The following FLG variants were observed in gnomAD, a reference collection of about 807,000 sequenced individuals.
FLG encodes the protein epidermal filaggrin.
Under a neutral mutation model 3.8 loss-of-function variants are expected in FLG, and 6 were observed. The observed-to-expected ratio is 1.60, with a 90% CI of 0.87 to 3.15. FLG has a LOEUF of 3.15. Among genes scored for constraint, FLG ranks in the 30% most tolerant of loss-of-function variants. The probability of loss-of-function intolerance (pLI) is 0.00; values close to 1 mark genes in which losing one functional copy is unlikely to be tolerated. For synonymous variants in FLG, 2,551 were observed against 1,931.6 expected (o/e 1.32, Z -8.41); for missense variants, 7,595 against 5,050.9 (o/e 1.50, Z -15.27).
At position 152,314,621 on chromosome 1, in the gene FLG, T is replaced by G; in HGVS notation, c.265A>C (p.Thr89Pro). The G allele has an allele frequency of 6.2e-7, 1 of 1,614,102 alleles. No homozygotes were observed. The highest frequency in any genetic ancestry group is 8.5e-7 in the Non-Finnish European group (1 of 1,179,978). Residue 89 changes from threonine (T) to proline (P), a missense_variant, in exon 3 of 3, where the codon ACC (threonine) becomes CCC (proline). Transcript: ENST00000368799. Reference protein sequence around the residue: ...FKLAQAYYESTRKENLPISGH... With the variant: ...FKLAQAYYESPRKENLPISGH... ...GATATCGGTAAATTCTCTTTTCTGG[T>G]AGACTCATAATATGCTTGAGCCAAC... is the stretch of plus-strand genomic sequence containing the variant.
rs2065956 is a variant in FLG, at chr1:152,304,869, C to T, written c.10017G>A (p.Gln3339=). 276,923 of 1,613,646 alleles carry T rather than the reference C, an allele frequency of 0.17. 33,854 individuals are homozygous for T. Among genetic ancestry groups the T allele is most frequent in the East Asian group, 0.56 (25,076 of 44,748 alleles). Residue 3339 remains glutamine (Q), a synonymous_variant, in exon 3 of 3, where the codon CAG becomes CAA. Coordinates refer to ENST00000368799, the MANE Select transcript of FLG (RefSeq NM_002016.2). ...CTGAATGTCCCTCACTATCACTGGC[C>T]TGACTACCACTGGACCCCCAGTGTC... ...DSRHWGSSGS[Q]ASDSEGHSEE...
Position 152,311,054 on chromosome 1 carries a change from T to C in FLG, c.3832A>G (p.Arg1278Gly), listed in dbSNP as rs111626670. The change falls in exon 3 of 3, where the codon AGA (arginine) becomes GGA (glycine). Residue 1278 changes from arginine (R) to glycine (G), a missense_variant. Coordinates refer to ENST00000368799, the MANE Select transcript of FLG (RefSeq NM_002016.2). ...AACCTCTCGGAGTCGTCTGAGTGTC[T>C]CTCACTGTCACTGTCCTGGCTAACA... Reference protein sequence around the residue: ...SSVSQDSDSERHSDDSERLSG... With the variant: ...SSVSQDSDSEGHSDDSERLSG... The C allele has an allele frequency of 6.1e-4, 988 of 1,613,836 alleles. 1 individual carries two copies. The highest frequency in any genetic ancestry group is 4.3e-3 in the Admixed American group (260 of 59,994).
chr1:152,316,351 A>G (rs1403884731), intron 1 of FLG, among the ~76,000 whole-genome samples: 2 of 152,126 alleles, frequency 1.3e-5, no homozygotes, highest in Non-Finnish European at 2.9e-5. Context: ...TTACTAAAAT[A>G]ATAGAATTTA....
intron 1 of FLG, among the ~76,000 whole-genome samples, chr1:152,321,467 A>G (rs535774663): frequency 2.9e-4 from 44 of 151,196 alleles, no homozygotes; most frequent in Non-Finnish European, 5.5e-4. Context: ...CAATATCAGG[A>G]AAGTAAAAGG....
Position 152,302,634 on chromosome 1 carries a change from T to A in FLG, c.*66A>T. ...AACTTCCCTGAAAGTATTATGAAGTTTCTTGATTGAAAGTGAACTTGCTTC... is the reference window on the plus strand; with the variant it reads ...AACTTCCCTGAAAGTATTATGAAGTATCTTGATTGAAAGTGAACTTGCTTC... On this transcript the variant is annotated 3_prime_UTR_variant, in exon 3 of 3. Transcript: ENST00000368799. 6.3e-7 allele frequency: 1 copy of A among 1,588,286 alleles called. No individual in the cohort carries two copies. The highest frequency in any genetic ancestry group is 1.1e-5 in the South Asian group (1 of 87,632).
chr1:152,305,634 T>A lies in FLG; in HGVS notation c.9252A>T (p.Arg3084Ser), dbSNP rs769262848. ...SSHGWTGPST[R>S]GRQGSRHEQA... is the part of the protein sequence containing the mutation. ...GCTCATGGCGGGATCCTTGTCTTCC[T>A]CTAGTGCTGGGCCCCGTCCATCCAT... Residue 3084 changes from arginine (R) to serine (S), a missense_variant, in exon 3 of 3, where the codon AGA becomes AGT. Arg to Ser is a moderately radical substitution (Grantham distance 110, BLOSUM62 -1). Transcript: ENST00000368799. 4 of 1,476,036 alleles carry A rather than the reference T, an allele frequency of 2.7e-6. 1 individual carries two copies. In the South Asian group the frequency reaches 3.8e-5, roughly 14 times the overall value. The allele number at this position is 1,476,036 out of a possible 1,614,324, so 91.4% of individuals were successfully genotyped here.
In FLG at chr1:152,311,155, G is replaced by A. The variant is rs1251865424; in HGVS notation, c.3731C>T (p.Ala1244Val). The change falls in exon 3 of 3, where the codon GCT becomes GTT. Residue 1244 changes from alanine (A) to valine (V), a missense_variant. Physicochemically the swap from Ala to Val is moderately conservative, Grantham distance 64. Transcript: ENST00000368799. Reference protein sequence around the residue: ...GSRHHEAASWADSSRHSQVGQ... With the variant: ...GSRHHEAASWVDSSRHSQVGQ... ...CACCTGTGAGTGTCTAGAGCTGTCA[G>A]CCCAAGAGGCAGCTTCATGGTGACG... 1 of 1,613,786 alleles carries A rather than the reference G, an allele frequency of 6.2e-7. No homozygotes were observed. The highest frequency in any genetic ancestry group is 8.5e-7 in the Non-Finnish European group (1 of 1,179,978).
intron 1 of FLG, among the ~76,000 whole-genome samples, chr1:152,316,259 G>A (rs1013593596): frequency 1.3e-5 from 2 of 152,074 alleles, no homozygotes; most frequent in Non-Finnish European, 2.9e-5. Flanking sequence ...TTGGACCTTG[G>A]TTTGTTTGGT....
In FLG at chr1:152,304,321, C is replaced by T. The variant is rs572186119; in HGVS notation, c.10565G>A (p.Gly3522Asp). ...QADSSRHSQS[G>D]QGQSAGPRTS... The stretch of plus-strand genomic sequence containing the variant: ...CCTGGGCCCCGCTGATTGTCCCTGG[C>T]CGGACTGTGAGTGTCTAGAGCTGTC... Residue 3522 changes from glycine (G) to aspartate (D), a missense_variant, in exon 3 of 3, where the codon GGC (glycine) becomes GAC (aspartate). Gly to Asp is a moderately conservative substitution (Grantham distance 94). Coordinates refer to ENST00000368799, the MANE Select transcript of FLG (RefSeq NM_002016.2). 3 of 1,601,172 alleles carry T rather than the reference C, an allele frequency of 1.9e-6. No homozygotes were observed. Among genetic ancestry groups the T allele is most frequent in the East Asian group, 4.6e-5 (2 of 43,314 alleles).
Position 152,303,125 on chromosome 1 carries a change from C to G in FLG, c.11761G>C (p.Asp3921His). The G allele has an allele frequency of 6.2e-7, 1 of 1,614,202 alleles. No homozygotes were observed. Reference sequence around the variant, plus strand: ...CCATGTTCCTTAGCGGTACTAGAGTCTGACTGTACAGGTGAAGACTGTACA... The same window carrying G: ...CCATGTTCCTTAGCGGTACTAGAGTGTGACTGTACAGGTGAAGACTGTACA... ...SHVQSSPVQSDSSTAKEHGHF... is the reference protein window; with the variant it reads ...SHVQSSPVQSHSSTAKEHGHF... Residue 3921 changes from aspartate (D) to histidine (H), a missense_variant, in exon 3 of 3, where the codon GAC (aspartate) becomes CAC (histidine). By Grantham distance (81) the Asp-to-His change is moderately conservative (BLOSUM62 -1). Coordinates refer to ENST00000368799, the MANE Select transcript of FLG (RefSeq NM_002016.2).
rs749678415 is a variant in FLG at position 152,314,261 on chromosome 1, CTTCT to C, written c.621_624del (p.Glu208ThrfsTer15). On this transcript the variant is annotated frameshift_variant, in exon 3 of 3. Transcript: ENST00000368799. LOFTEE classifies it low-confidence loss of function (END_TRUNC). ...TAATCATATACTCCTTCTTCATTGT[CTTCT>C]TTCTCTTCAAGTCTTTCACTTAGCC... 2.5e-5 allele frequency: 41 copies of C among 1,613,200 alleles called. No individual in the cohort carries two copies. The highest frequency in any genetic ancestry group is 2.9e-5 in the Non-Finnish European group (34 of 1,179,816).
Position 152,313,130 on chromosome 1 carries a change from A to T in FLG, c.1756T>A (p.Ser586Thr), listed in dbSNP as rs770129804. ...QSGDGTRHSG[S>T]RHHEASSQAD... ...TGAGAGGAAGCTTCATGATGACGTGACCCTGAGTGCCTGGTGCCGTCTCCT... is the reference window on the plus strand; with the variant it reads ...TGAGAGGAAGCTTCATGATGACGTGTCCCTGAGTGCCTGGTGCCGTCTCCT... Residue 586 changes from serine to threonine, a missense_variant, in exon 3 of 3, where the codon TCA becomes ACA. By Grantham distance (58) the Ser-to-Thr change is moderately conservative. Transcript: ENST00000368799. 2.2e-5 allele frequency: 35 copies of T among 1,613,384 alleles called. No homozygotes were observed. In the Admixed American group the frequency reaches 5.7e-4, roughly 26 times the overall value.
Position 152,304,623 on chromosome 1 carries a change from G to T in FLG, c.10263C>A (p.Ser3421Arg). 1.9e-6 allele frequency: 3 copies of T among 1,613,040 alleles called. No individual in the cohort carries two copies. The highest frequency in any genetic ancestry group is 2.5e-6 in the Non-Finnish European group (3 of 1,179,704). The change falls in exon 3 of 3, where the codon AGC (serine) becomes AGA (arginine). Residue 3421 changes from serine to arginine, a missense_variant. Physicochemically the swap from Ser to Arg is moderately radical, Grantham distance 110. Transcript: ENST00000368799. ...QGSHHEQARD[S>R]SRHSASQEGQ... ...CCTCTTGGGACGCTGAGTGCCTGGA[G>T]CTGTCTCGTGCCTGCTCGTGGTGGG...
rs116222149 is a variant in FLG at position 152,313,395 on chromosome 1, G to T, written c.1491C>A (p.His497Gln). ...TSTGGRQGSH[H>Q]EQARDSSRHS... ...GCCTGGAGCTGTCTCGTGCCTGCTC[G>T]TGGTGCGATCCTTGTCTTCCTCCAG... Residue 497 changes from histidine (H) to glutamine (Q), a missense_variant, in exon 3 of 3, where the codon CAC becomes CAA. His to Gln is a conservative substitution (Grantham distance 24). Coordinates refer to ENST00000368799, the MANE Select transcript of FLG (RefSeq NM_002016.2). 1.2e-5 allele frequency: 20 copies of T among 1,612,958 alleles called. No individual in the cohort carries two copies. The South Asian group carries it at 2.2e-4, about 18-fold the overall frequency.
In FLG at chr1:152,308,519, G is replaced by A. The variant is rs145119684; in HGVS notation, c.6367C>T (p.Gln2123Ter). Residue 2123 changes from glutamine (Q) to a stop codon, truncating the protein, a stop_gained, in exon 3 of 3, where the codon CAA (glutamine) becomes TAA (stop). Coordinates refer to ENST00000368799, the MANE Select transcript of FLG (RefSeq NM_002016.2). LOFTEE classifies it low-confidence loss of function (END_TRUNC). ...GATGCTGAGTGCCTGGAGCTGTCTT[G>A]TGCCTGATCATAATGGGATCCTTGT... The part of the protein sequence containing the change: ...GRQGSHYDQA[Q>*]DSSRHSASQE... The A allele has an allele frequency of 2.7e-5, 44 of 1,613,428 alleles. No individual in the cohort carries two copies. Among genetic ancestry groups the A allele is most frequent in the South Asian group, 1.6e-4 (15 of 91,046 alleles).
rs148339059 is a variant in FLG at position 152,314,316 on chromosome 1, A to G, written c.570T>C (p.Asn190=). 4.5e-4 allele frequency: 730 copies of G among 1,611,888 alleles called. No individual in the cohort carries two copies. Among genetic ancestry groups the G allele is most frequent in the Non-Finnish European group, 5.7e-4 (667 of 1,179,468 alleles). The change falls in exon 3 of 3, where the codon AAT becomes AAC. Residue 190 remains asparagine (N), a synonymous_variant. Coordinates refer to ENST00000368799, the MANE Select transcript of FLG (RefSeq NM_002016.2). ...SSKKEKNKTE[N]TRLGDNRKRL... is the part of the protein sequence containing the mutation. ...TCTTCCTATTGTCTCCTAATCTAGT[A>G]TTTTCAGTCTTGTTTTTCTCTTTTT...
chr1:152,311,448 G>A lies in FLG; in HGVS notation c.3438C>T (p.His1146=), dbSNP rs769215947. The A allele has an allele frequency of 1.5e-5, 25 of 1,613,828 alleles. No individual in the cohort carries two copies. Among genetic ancestry groups the A allele is most frequent in the South Asian group, 4.4e-5 (4 of 91,060 alleles). ...GCCTGGAGCTGTCTCGTGCCTGCTCGTGGTGGGATCCTTGTCTTCGTCCAG... is the reference window on the plus strand; with the variant it reads ...GCCTGGAGCTGTCTCGTGCCTGCTCATGGTGGGATCCTTGTCTTCGTCCAG... ...TSTGRRQGSH[H]EQARDSSRHS... is the part of the protein sequence containing the mutation. The change falls in exon 3 of 3, where the codon CAC becomes CAT. Residue 1146 remains histidine (H), a synonymous_variant. Transcript: ENST00000368799.
Position 152,311,275 on chromosome 1 carries a change from G to A in FLG, c.3611C>T (p.Ser1204Phe). 1 of 1,613,844 alleles carries A rather than the reference G, an allele frequency of 6.2e-7. No homozygotes were observed. The highest frequency in any genetic ancestry group is 8.5e-7 in the Non-Finnish European group (1 of 1,179,968). The change falls in exon 3 of 3, where the codon TCT (serine) becomes TTT (phenylalanine). Residue 1204 changes from serine to phenylalanine, a missense_variant. Physicochemically the swap from Ser to Phe is radical, Grantham distance 155. Transcript: ENST00000368799. ...HHSHTTSQGR[S>F]DASHGQSGSR... ...TCCTGACTGCCCATGGGAGGCATCAGACCTTCCCTGGGATGTGGTGTGGCT... is the reference window on the plus strand; with the variant it reads ...TCCTGACTGCCCATGGGAGGCATCAAACCTTCCCTGGGATGTGGTGTGGCT...
At chr1:152,314,806 A>G in intron 2 of FLG, 59 bp from the exon 3 acceptor site, 1 of 1,604,618 alleles carries the variant, frequency 6.2e-7, no homozygotes, top group Non-Finnish European at 8.5e-7. Flanking sequence ...TTATCAGCCA[A>G]TTAATTCAAA....
Sources: gnomAD v4.1 joint callset for allele counts (sites outside exome capture counted in the v4.1 genomes callset) on GRCh38, gnomAD v4.1.1 for gene constraint, MANE v1.5 for transcripts, NCBI Gene and HGNC (gene_info 2026-07-23, HGNC 2026-07-21) for gene names.